The following HHIPL2 variants were observed in gnomAD, a reference collection of about 807,000 sequenced individuals.
HHIPL2 encodes the protein HHIP like 2, also known as HHIP-like protein 2.
HHIPL2 carries 61 observed loss-of-function variants against 61.0 expected under a neutral mutation model. The observed-to-expected ratio is 1.00, with a 90% confidence interval of 0.81 to 1.24. The LOEUF (loss-of-function observed/expected upper bound fraction) is 1.24, where lower values mean the gene tolerates loss of function less well. Among genes scored for constraint, HHIPL2 ranks in the 50% most tolerant of loss-of-function variants. The pLI, the probability that HHIPL2 is intolerant of heterozygous loss-of-function variation, is 0.00. For missense variants in HHIPL2, 885 were observed against 910.2 expected (o/e 0.97, Z 0.36); for synonymous variants, 343 against 357.4 (o/e 0.96, Z 0.45).
chr1:222,527,198 C>G, intron 6 of HHIPL2, 148 bp from the exon 7 acceptor site: 1 of 652,900 alleles, frequency 1.5e-6, no homozygotes, highest in Non-Finnish European at 2.7e-6. Flanking sequence ...TAACTGGCAT[C>G]AGCTCTGCTG....
intron 5 of HHIPL2, among the ~76,000 whole-genome samples, chr1:222,537,528 G>T (rs1184066066): frequency 6.6e-6 from 1 of 151,460 alleles, no homozygotes; most frequent in Non-Finnish European, 1.5e-5. Flanking sequence ...CTACTCAGGA[G>T]GCTGAGGCAG....
intron 2 of HHIPL2, 54 bp from the exon 3 acceptor site, chr1:222,542,209 A>G: frequency 1.9e-6 from 3 of 1,594,592 alleles, no homozygotes; most frequent in Non-Finnish European, 2.6e-6. Context: ...CTGAAGCTGC[A>G]TCCTCTTGAG....
chr1:222,525,754 T>G (rs1030934747), intron 7 of HHIPL2, among the ~76,000 whole-genome samples: 1 of 152,096 alleles, frequency 6.6e-6, no homozygotes, highest in African/African-American at 2.4e-5. Flanking sequence ...ATCCCAGCAC[T>G]TTGGGAGGTT....
At chr1:222,537,868 G>A (rs1659335329) in intron 5 of HHIPL2, among the ~76,000 whole-genome samples, 1 of 151,784 alleles carries the variant, frequency 6.6e-6, no homozygotes, top group African/African-American at 2.4e-5. Flanking sequence ...TAAGAGACAG[G>A]TAAATATGCA....
At position 222,542,249 on chromosome 1, in the gene HHIPL2, G is replaced by A. The variant is rs117326786; in HGVS notation, c.975-94C>T. On this transcript the variant is annotated intron_variant, in intron 2 of 8. Coordinates refer to ENST00000343410, the MANE Select transcript of HHIPL2 (RefSeq NM_024746.4). ...CCAGAAATGACTGGGCCAAGCCACC[G>A]AGATTTGCCAAGCCAGCCAAGACCT... The A allele has an allele frequency of 6.4e-3, 9,332 of 1,459,764 alleles. 222 individuals are homozygous for A. In the East Asian group the frequency reaches 0.087, roughly 14 times the overall value. The allele number at this position is 1,459,764 out of a possible 1,614,324, so 90.4% of individuals were successfully genotyped here.
At chr1:222,547,676 T>C (rs564715334) in intron 1 of HHIPL2, 48 bp downstream of exon 1, 111 of 1,529,118 alleles carry the variant, frequency 7.3e-5, no homozygotes, top group Non-Finnish European at 9.5e-5. Flanking sequence ...ACCCACACCA[T>C]GCAGCCCAGC....
In HHIPL2 at chr1:222,544,205, G is replaced by T. The variant is rs755555264; in HGVS notation, c.322-16C>A. ...GCGAGCACTCCTAAAAAAGAACGCGGAGCTCAGGCTCAGCATCAGACCTGC... is the reference window on the plus strand; with the variant it reads ...GCGAGCACTCCTAAAAAAGAACGCGTAGCTCAGGCTCAGCATCAGACCTGC... On this transcript the variant is annotated splice_polypyrimidine_tract_variant and intron_variant, in intron 1 of 8. Coordinates refer to ENST00000343410, the MANE Select transcript of HHIPL2 (RefSeq NM_024746.4). 6.2e-7 allele frequency: 1 copy of T among 1,600,296 alleles called. No individual in the cohort carries two copies. The highest frequency in any genetic ancestry group is 8.5e-7 in the Non-Finnish European group (1 of 1,173,586).
rs1425001200 is a variant in HHIPL2 at position 222,547,972 on chromosome 1, G to A, written c.73C>T (p.Leu25Phe). 6.2e-7 allele frequency: 1 copy of A among 1,611,682 alleles called. No individual in the cohort carries two copies. The highest frequency in any genetic ancestry group is 8.5e-7 in the Non-Finnish European group (1 of 1,178,302). ...CRAPWLSSGI[L>F]CLCLIFLLGQ... Reference sequence around the variant, plus strand: ...AACAAGAATATGAGGCAGAGGCAGAGAATGCCAGAAGAGAGCCAGGGGGCC... The same window carrying A: ...AACAAGAATATGAGGCAGAGGCAGAAAATGCCAGAAGAGAGCCAGGGGGCC... Residue 25 changes from leucine (L) to phenylalanine (F), a missense_variant, in exon 1 of 9, where the codon CTC (leucine) becomes TTC (phenylalanine). Physicochemically the swap from Leu to Phe is conservative, Grantham distance 22. Coordinates refer to ENST00000343410, the MANE Select transcript of HHIPL2 (RefSeq NM_024746.4).
chr1:222,523,636 G>T lies in HHIPL2; in HGVS notation c.1864C>A (p.Arg622=). The change falls in exon 8 of 9, where the codon CGG becomes AGG. Residue 622 remains arginine, a synonymous_variant. Transcript: ENST00000343410. ...CTGGCGAGTGGTCTGAACGGGATCCGCTTACTCTTGGTTCTCACGGGCACT... is the reference window on the plus strand; with the variant it reads ...CTGGCGAGTGGTCTGAACGGGATCCTCTTACTCTTGGTTCTCACGGGCACT... ...KPVPVRTKSK[R]IPFRPLAKTV... The T allele has an allele frequency of 6.2e-7, 1 of 1,614,074 alleles. No homozygotes were observed. Among genetic ancestry groups the T allele is most frequent in the Non-Finnish European group, 8.5e-7 (1 of 1,179,948 alleles).
rs1477365524 is a variant in HHIPL2, at chr1:222,538,768, A to G, written c.1457T>C (p.Val486Ala). Residue 486 changes from valine (V) to alanine (A), a missense_variant, in exon 5 of 9, where the codon GTT (valine) becomes GCT (alanine). Val to Ala is a moderately conservative substitution (Grantham distance 64). Transcript: ENST00000343410. ...KLCHNASLDD[V>A]LPIYAYGHAV... ...ATGGCCATAAGCATAGATTGGCAGAACATCATCTGTCCAGGAGAGAGGAAA... is the reference window on the plus strand; with the variant it reads ...ATGGCCATAAGCATAGATTGGCAGAGCATCATCTGTCCAGGAGAGAGGAAA... 6.2e-7 allele frequency: 1 copy of G among 1,614,184 alleles called. No individual in the cohort carries two copies. Among genetic ancestry groups the G allele is most frequent in the South Asian group, 1.1e-5 (1 of 91,068 alleles).
Position 222,544,121 on chromosome 1 carries a change from C to T in HHIPL2, c.390G>A (p.Pro130=). The T allele has an allele frequency of 3.1e-6, 5 of 1,613,858 alleles. No homozygotes were observed. Among genetic ancestry groups the T allele is most frequent in the South Asian group, 2.2e-5 (2 of 91,054 alleles). Residue 130 remains proline (P), a synonymous_variant, in exon 2 of 9, where the codon CCG becomes CCA. Coordinates refer to ENST00000343410, the MANE Select transcript of HHIPL2 (RefSeq NM_024746.4). ...CAGAGCAGTAATCAGAGCAGAGGCC[C>T]GGGAGATTCCGGAGAGGCGTCTGGG... ...ENTQTPLRNL[P]GLCSDYCSAF...
At chr1:222,529,342 C>T (rs1659140671) in intron 6 of HHIPL2, among the ~76,000 whole-genome samples, 1 of 152,174 alleles carries the variant, frequency 6.6e-6, no homozygotes, top group African/African-American at 2.4e-5. Flanking sequence ...GAATGGGAAG[C>T]CCAGGCACCA....
intron 1 of HHIPL2, among the ~76,000 whole-genome samples, chr1:222,545,719 G>A (rs1027294220): frequency 6.6e-6 from 1 of 151,986 alleles, no homozygotes; most frequent in Non-Finnish European, 1.5e-5. Context: ...CTACTTCAAA[G>A]GGAAGAAAAT....
rs1418658751 is a variant in HHIPL2, at chr1:222,522,512, C to T, written c.*89G>A. 47 of 1,430,954 alleles carry T rather than the reference C, an allele frequency of 3.3e-5. No individual in the cohort carries two copies. The highest frequency in any genetic ancestry group is 4.5e-5 in the Non-Finnish European group (47 of 1,054,634). 88.6% of individuals were successfully genotyped at this position (1,430,954 alleles called of 1,614,324 possible). A position where few individuals can be genotyped will look rare whatever the true frequency, so the allele number is the denominator to read the frequency against. Reference sequence around the variant, plus strand: ...CCCACCTCTACCCTGGCTTCCCAGACTTCTAAGGTCTTTATTCAGCAGTGA... The same window carrying T: ...CCCACCTCTACCCTGGCTTCCCAGATTTCTAAGGTCTTTATTCAGCAGTGA... On this transcript the variant is annotated 3_prime_UTR_variant, in exon 9 of 9. Coordinates refer to ENST00000343410, the MANE Select transcript of HHIPL2 (RefSeq NM_024746.4).
At position 222,547,903 on chromosome 1, in the gene HHIPL2, A is replaced by C. The variant is rs893657313; in HGVS notation, c.142T>G (p.Tyr48Asp). ...AGAGGGGGCTGGAAAGGGGGCCCGT[A>C]ATCCAGGCACTGGGGGTGTCCCTGC... ...LLQGHPQCLD[Y>D]GPPFQPPLHL... Residue 48 changes from tyrosine to aspartate, a missense_variant, in exon 1 of 9, where the codon TAC becomes GAC. By Grantham distance (160) the Tyr-to-Asp change is radical. Transcript: ENST00000343410. The C allele has an allele frequency of 6.2e-7, 1 of 1,614,164 alleles. No individual in the cohort carries two copies. The highest frequency in any genetic ancestry group is 1.3e-5 in the African/African-American group (1 of 75,056).
At chr1:222,526,560 C>T (rs781108470) in intron 7 of HHIPL2, among the ~76,000 whole-genome samples, 3 of 151,868 alleles carry the variant, frequency 2.0e-5, no homozygotes, top group African/African-American at 7.3e-5. Context: ...ACAAAATTAG[C>T]TAGCTATGGT....
chr1:222,543,445 A>G, intron 2 of HHIPL2, 92 bp downstream of exon 2: 1 of 1,269,300 alleles, frequency 7.9e-7, no homozygotes, highest in South Asian at 1.4e-5. Flanking sequence ...AGTGCTCTAA[A>G]ACCAGTGAAG....
intron 5 of HHIPL2, among the ~76,000 whole-genome samples, chr1:222,537,260 G>A (rs1659319641): frequency 6.6e-6 from 1 of 151,496 alleles, no homozygotes; most frequent in Non-Finnish European, 1.5e-5. Context: ...AGAAATAAAA[G>A]AAAATGTCCC....
chr1:222,527,416 T>A (rs1357288164), intron 6 of HHIPL2, among the ~76,000 whole-genome samples: 1 of 152,212 alleles, frequency 6.6e-6, no homozygotes, highest in Non-Finnish European at 1.5e-5. Flanking sequence ...CTTGGATATA[T>A]ACAGTCTGCA....
Sources: gnomAD v4.1 joint callset for allele counts (sites outside exome capture counted in the v4.1 genomes callset) on GRCh38, gnomAD v4.1.1 for gene constraint, MANE v1.5 for transcripts, NCBI Gene and HGNC (gene_info 2026-07-23, HGNC 2026-07-21) for gene names.